The following VPS13A variants were observed in gnomAD, a reference collection of about 807,000 sequenced individuals.
The protein encoded by VPS13A is intermembrane lipid transfer protein VPS13A.
VPS13A carries 264 observed loss-of-function variants against 390.9 expected under a neutral mutation model. That is an observed-to-expected ratio of 0.68 (90% CI 0.61 to 0.75). The LOEUF (loss-of-function observed/expected upper bound fraction) is 0.75. Ranked by LOEUF, VPS13A falls within the 30% of genes least tolerant of loss-of-function variation. The pLI is 0.00. For synonymous variants in VPS13A, 1,231 were observed against 1,227.1 expected (o/e 1.00, Z -0.07); for missense variants, 3,409 against 3,733.9 (o/e 0.91, Z 2.27).
At position 77,207,252 on chromosome 9, in the gene VPS13A, T is replaced by TATATATATATTA; in HGVS notation, c.385+1174_385+1175insTATATATATTAA. The stretch of plus-strand genomic sequence containing the variant: ...ATATATATATATATATATATATATA[T>TATATATATATTA]AAAACGTGTTATATGTAACATAACA... On this transcript the variant is annotated intron_variant, in intron 5 of 71. Transcript: ENST00000360280. Among the ~76,000 whole-genome samples, 203 of 87,240 alleles carry TATATATATATTA rather than the reference T, an allele frequency of 2.3e-3. 14 individuals are homozygous for TATATATATATTA. Among genetic ancestry groups the TATATATATATTA allele is most frequent in the Middle Eastern group, 5.5e-3 (1 of 182 alleles). The allele number at this position is 87,240 out of a possible 152,430, so 57.2% of individuals were successfully genotyped here.
At chr9:77,303,178 T>A in intron 34 of VPS13A, 116 bp downstream of exon 34, 1 of 1,058,992 alleles carries the variant, frequency 9.4e-7, no homozygotes, top group African/African-American at 1.6e-5. Context: ...TGGTCAGAAT[T>A]GAAATAGTGA....
chr9:77,391,968 G>A (rs928816863), intron 68 of VPS13A, among the ~76,000 whole-genome samples: 2 of 152,180 alleles, frequency 1.3e-5, no homozygotes, highest in Non-Finnish European at 2.9e-5. Flanking sequence ...AGAGAGTATT[G>A]AAGGTTCCTG....
In VPS13A at chr9:77,339,508, T is replaced by A. The variant is rs972074290; in HGVS notation, c.6379-8T>A. The A allele has an allele frequency of 6.3e-5, 96 of 1,530,564 alleles. No individual in the cohort carries two copies. The highest frequency in any genetic ancestry group is 1.8e-4 in the Middle Eastern group (1 of 5,620). 94.8% of individuals were successfully genotyped at this position (1,530,564 alleles called of 1,614,324 possible). ...AATTTTGTTTTGTTTTTTTTTTTTT[T>A]ATTACAGGGAATTGAAAATTCGGTT... On this transcript the variant is annotated splice_polypyrimidine_tract_variant and splice_region_variant and intron_variant, in intron 47 of 71. Coordinates refer to ENST00000360280, the MANE Select transcript of VPS13A (RefSeq NM_033305.3).
intron 65 of VPS13A, 56 bp downstream of exon 65, chr9:77,370,634 A>G: frequency 6.2e-7 from 1 of 1,606,740 alleles, no homozygotes; most frequent in Non-Finnish European, 8.5e-7. Flanking sequence ...AAACAAACCT[A>G]CATTTGCGAA....
chr9:77,275,150 A>C (rs1826570900), intron 24 of VPS13A, among the ~76,000 whole-genome samples: 1 of 152,120 alleles, frequency 6.6e-6, no homozygotes, highest in African/African-American at 2.4e-5. Flanking sequence ...TTGAGTATTC[A>C]TGGTGTGTAT....
At chr9:77,388,254 TAGTG>T (rs890613878) in intron 68 of VPS13A, among the ~76,000 whole-genome samples, 3 of 152,186 alleles carry the variant, frequency 2.0e-5, no homozygotes, top group South Asian at 2.1e-4. Flanking sequence ...TCATTAATAT[TAGTG>T]AGTGAATTTG....
intron 1 of VPS13A, among the ~76,000 whole-genome samples, chr9:77,183,718 T>C (rs893646599): frequency 6.6e-5 from 10 of 152,222 alleles, no homozygotes; most frequent in Non-Finnish European, 1.5e-4. Flanking sequence ...TATCAAGCCA[T>C]TGTGCTTCTA....
chr9:77,370,728 A>G (rs1587676781), intron 65 of VPS13A, 150 bp downstream of exon 65: 10 of 1,322,208 alleles, frequency 7.6e-6, no homozygotes, highest in Non-Finnish European at 9.2e-6. Context: ...AAAACATGTC[A>G]GTAGCCTCTA....
At chr9:77,394,675 C>T (rs1587714301) in intron 68 of VPS13A, among the ~76,000 whole-genome samples, 1 of 152,242 alleles carries the variant, frequency 6.6e-6, no homozygotes, top group Non-Finnish European at 1.5e-5. Context: ...AGAAGTCTAT[C>T]TCATCTACAT....
At chr9:77,409,283 C>T (rs1196060308) in intron 71 of VPS13A, among the ~76,000 whole-genome samples, 4 of 152,146 alleles carry the variant, frequency 2.6e-5, no homozygotes, top group Non-Finnish European at 4.4e-5. Flanking sequence ...GACATCCACA[C>T]CAAAGCCCCA....
intron 5 of VPS13A, 131 bp from the exon 6 acceptor site, chr9:77,209,292 A>G: frequency 1.5e-6 from 1 of 668,386 alleles, no homozygotes; most frequent in East Asian, 2.8e-5. Context: ...TTGGAAAGCA[A>G]GCTATTAGTG....
chr9:77,252,436 TTG>T, intron 22 of VPS13A, 84 bp downstream of exon 22: 1 of 1,094,282 alleles, frequency 9.1e-7, no homozygotes, highest in Non-Finnish European at 1.4e-6. Flanking sequence ...TGACTCTTCC[TTG>T]TGTGTGTGGT....
chr9:77,335,681 A>G (rs546836385), intron 46 of VPS13A, among the ~76,000 whole-genome samples: 10 of 152,228 alleles, frequency 6.6e-5, no homozygotes, highest in South Asian at 2.1e-4. Context: ...TAGAATGGCA[A>G]TCGTTAAAAA....
intron 16 of VPS13A, among the ~76,000 whole-genome samples, chr9:77,227,786 C>T (rs945949508): frequency 6.6e-5 from 10 of 151,744 alleles, no homozygotes; most frequent in Admixed American, 1.3e-4. Flanking sequence ...CCGCCTGCCT[C>T]GACTTCCCAA....
At chr9:77,305,065 A>G (rs1169682236) in intron 34 of VPS13A, among the ~76,000 whole-genome samples, 1 of 151,756 alleles carries the variant, frequency 6.6e-6, no homozygotes, top group Non-Finnish European at 1.5e-5. Flanking sequence ...CAGCCTCCCG[A>G]ATAGCTGGGA....
intron 23 of VPS13A, among the ~76,000 whole-genome samples, chr9:77,260,772 A>G (rs1825714775): frequency 6.6e-6 from 1 of 152,198 alleles, no homozygotes; most frequent in Non-Finnish European, 1.5e-5. Context: ...TCTCCTGAGC[A>G]ATAACACTGT....
intron 71 of VPS13A, among the ~76,000 whole-genome samples, chr9:77,408,971 A>G (rs960597548): frequency 5.9e-5 from 9 of 152,220 alleles, no homozygotes; most frequent in African/African-American, 2.2e-4. Flanking sequence ...ACACAGCTGG[A>G]CATCTGAGAA....
chr9:77,227,252 A>G, intron 15 of VPS13A, 139 bp from the exon 16 acceptor site: 2 of 658,788 alleles, frequency 3.0e-6, no homozygotes, highest in South Asian at 1.8e-5. Flanking sequence ...TGCCAGCCCC[A>G]TTCAAACATT....
chr9:77,253,445 A>G (rs957656026), intron 22 of VPS13A, among the ~76,000 whole-genome samples: 11 of 152,048 alleles, frequency 7.2e-5, no homozygotes, highest in African/African-American at 2.4e-4. Flanking sequence ...AGCTGGGACT[A>G]CAAGCGCATG....
Sources: gnomAD v4.1 joint callset for allele counts (sites outside exome capture counted in the v4.1 genomes callset) on GRCh38, gnomAD v4.1.1 for gene constraint, MANE v1.5 for transcripts, NCBI Gene and HGNC (gene_info 2026-07-23, HGNC 2026-07-21) for gene names.